The following PLEKHA2 variants were observed in gnomAD, a reference collection of about 807,000 sequenced individuals.
PLEKHA2 encodes the protein pleckstrin homology domain containing A2.
In PLEKHA2, 28 loss-of-function variants were observed where a neutral mutation model predicts 53.2. The ratio of observed to expected loss-of-function variants is 0.53; its 90% CI spans 0.39 to 0.72. The LOEUF is 0.72. Among genes scored for constraint, PLEKHA2 ranks in the 30% least tolerant of loss-of-function variants. The pLI, the probability that PLEKHA2 is intolerant of heterozygous loss-of-function variation, is 0.00. For synonymous variants in PLEKHA2, 193 were observed against 196.4 expected (o/e 0.98, Z 0.14); for missense variants, 426 against 537.9 (o/e 0.79, Z 2.06).
intron 2 of PLEKHA2, among the ~76,000 whole-genome samples, chr8:38,929,921 C>G (rs1834359243): frequency 6.6e-6 from 1 of 152,176 alleles, no homozygotes; most frequent in Admixed American, 6.5e-5. Flanking sequence ...CTTTGTGACT[C>G]TCACTGGAAG....
chr8:38,934,442 T>C (rs1020555269), intron 2 of PLEKHA2, among the ~76,000 whole-genome samples: 1 of 152,152 alleles, frequency 6.6e-6, no homozygotes, highest in African/African-American at 2.4e-5. Flanking sequence ...TTTTTTTTTT[T>C]CTTTTTTGAG....
intron 5 of PLEKHA2, 183 bp from the exon 6 acceptor site, chr8:38,950,667 G>C: frequency 1.6e-6 from 1 of 615,976 alleles, no homozygotes; most frequent in Non-Finnish European, 2.7e-6. Context: ...TGTGTAGGGG[G>C]AGGGCGTTGC....
At chr8:38,956,174 T>A (rs1834936651) in intron 9 of PLEKHA2, among the ~76,000 whole-genome samples, 3 of 152,300 alleles carry the variant, frequency 2.0e-5, no homozygotes, top group South Asian at 4.1e-4. Context: ...TGGCTGGGGA[T>A]ATACGCGGCA....
At chr8:38,950,701 T>C (rs1361595239) in intron 5 of PLEKHA2, 149 bp from the exon 6 acceptor site, 2 of 890,794 alleles carry the variant, frequency 2.2e-6, no homozygotes, top group Non-Finnish European at 1.7e-6. Context: ...CATATTCAGA[T>C]TTGGACTGTG....
chr8:38,918,496 C>G (rs1271007874), intron 2 of PLEKHA2, among the ~76,000 whole-genome samples: 2 of 3,710 alleles, frequency 5.4e-4, no homozygotes, highest in African/African-American at 2.0e-3. Flanking sequence ...TACACACAAC[C>G]CATACACCAG....
intron 1 of PLEKHA2, among the ~76,000 whole-genome samples, chr8:38,907,718 G>A (rs577678267): frequency 6.0e-4 from 90 of 148,842 alleles, no homozygotes; most frequent in African/African-American, 2.2e-3. Flanking sequence ...CCATCATTGT[G>A]CCACTGTACT....
At chr8:38,962,110 A>G (rs144026022) in intron 10 of PLEKHA2, among the ~76,000 whole-genome samples, 3 of 152,242 alleles carry the variant, frequency 2.0e-5, no homozygotes, top group Non-Finnish European at 4.4e-5. Flanking sequence ...TTTGTGCAGG[A>G]TCATAATAAA....
chr8:38,917,024 T>A (rs771787967), intron 1 of PLEKHA2, among the ~76,000 whole-genome samples: 1 of 152,272 alleles, frequency 6.6e-6, no homozygotes, highest in Non-Finnish European at 1.5e-5. Flanking sequence ...TGGTGATCAA[T>A]GATGTCGAGC....
Position 38,968,615 on chromosome 8 carries a change from C to T in PLEKHA2, c.861C>T (p.His287=). 1 of 1,614,036 alleles carries T rather than the reference C, an allele frequency of 6.2e-7. No individual in the cohort carries two copies. The highest frequency in any genetic ancestry group is 8.5e-7 in the Non-Finnish European group (1 of 1,179,900). The part of the protein sequence containing the change: ...YVQADSPEDM[H]SWIKEIGAAV... ...AGGCAGACAGTCCAGAAGACATGCA[C>T]AGCTGGATTAAGGAGATTGGCGCAG... Residue 287 remains histidine, a synonymous_variant, in exon 11 of 12, where the codon CAC becomes CAT. Coordinates refer to ENST00000617275, the MANE Select transcript of PLEKHA2 (RefSeq NM_021623.2).
chr8:38,954,748 C>G (rs1367631101), intron 9 of PLEKHA2, among the ~76,000 whole-genome samples: 2 of 152,120 alleles, frequency 1.3e-5, no homozygotes, highest in Non-Finnish European at 2.9e-5. Context: ...TCTTTTTAGG[C>G]CGGGCGTGGT....
rs1175953930 is a variant in PLEKHA2 at position 38,928,639 on chromosome 8, C to T, written c.142-7355C>T. ...CTGAGAGACTTAACACACAATGAAA[C>T]TTATCCTGTCTAAAGCTGATACTGG... On this transcript the variant is annotated intron_variant, in intron 2 of 11. Coordinates refer to ENST00000617275, the MANE Select transcript of PLEKHA2 (RefSeq NM_021623.2). Among the ~76,000 whole-genome samples, 10 of 152,170 alleles carry T rather than the reference C, an allele frequency of 6.6e-5. No homozygotes were observed. The East Asian group carries it at 1.9e-3, about 29-fold the overall frequency.
chr8:38,918,100 G>T (rs576749451), intron 2 of PLEKHA2, 30 bp downstream of exon 2: 1 of 1,603,594 alleles, frequency 6.2e-7, no homozygotes, highest in Non-Finnish European at 8.5e-7. Context: ...GGGGTGGGGC[G>T]ACTGGGTGCC....
At chr8:38,961,746 G>A (rs1564155980) in intron 10 of PLEKHA2, among the ~76,000 whole-genome samples, 1 of 152,090 alleles carries the variant, frequency 6.6e-6, no homozygotes, top group Non-Finnish European at 1.5e-5. Flanking sequence ...CAAAGAGCAG[G>A]GCAGATCATG....
chr8:38,938,111 C>T (rs936656990), intron 3 of PLEKHA2, among the ~76,000 whole-genome samples: 6 of 152,210 alleles, frequency 3.9e-5, no homozygotes, highest in African/African-American at 7.2e-5. Flanking sequence ...CTCCACCCGC[C>T]GACTGCACAG....
At chr8:38,918,379 A>G (rs906397643) in intron 2 of PLEKHA2, among the ~76,000 whole-genome samples, 20 of 149,396 alleles carry the variant, frequency 1.3e-4, no homozygotes, top group African/African-American at 4.4e-4. Flanking sequence ...ACACAGACAC[A>G]CACACATACC....
intron 10 of PLEKHA2, among the ~76,000 whole-genome samples, chr8:38,965,101 GA>G (rs1301688919): frequency 1.3e-5 from 2 of 152,010 alleles, no homozygotes; most frequent in East Asian, 3.9e-4. Context: ...GGAAAACGGG[GA>G]AAAAATAACA....
At chr8:38,924,050 C>T (rs1359668375) in intron 2 of PLEKHA2, among the ~76,000 whole-genome samples, 2 of 152,210 alleles carry the variant, frequency 1.3e-5, no homozygotes, top group East Asian at 3.9e-4. Flanking sequence ...GGGGGTGTCA[C>T]CACGTTGGCT....
At chr8:38,925,053 T>C (rs1834260171) in intron 2 of PLEKHA2, among the ~76,000 whole-genome samples, 1 of 152,236 alleles carries the variant, frequency 6.6e-6, no homozygotes, top group African/African-American at 2.4e-5. Context: ...GCATGAGATC[T>C]ACCCTTTTAA....
chr8:38,950,693 T>C, intron 5 of PLEKHA2, 157 bp from the exon 6 acceptor site: 1 of 801,534 alleles, frequency 1.2e-6, no homozygotes, highest in East Asian at 2.8e-5. Context: ...GAGATGCTCA[T>C]ATTCAGATTT....
Sources: allele counts gnomAD v4.1 joint callset (sites outside exome capture counted in the v4.1 genomes callset), GRCh38; gene constraint gnomAD v4.1.1; transcripts MANE v1.5; gene names NCBI Gene and HGNC (gene_info 2026-07-23, HGNC 2026-07-21).